The following NADK2 variants were observed in gnomAD, a reference collection of about 807,000 sequenced individuals.
The protein encoded by NADK2 is NAD kinase 2, mitochondrial.
Under a neutral mutation model 62.1 loss-of-function variants are expected in NADK2, and 35 were observed. That is an observed-to-expected ratio of 0.56 (90% CI 0.43 to 0.75). NADK2 has a LOEUF of 0.75. Among genes scored for constraint, NADK2 ranks in the 30% least tolerant of loss-of-function variants. The probability of loss-of-function intolerance (pLI) is 0.00; values close to 1 mark genes in which losing one functional copy is unlikely to be tolerated. For synonymous variants in NADK2, 205 were observed against 207.9 expected (o/e 0.99, Z 0.12); for missense variants, 439 against 561.3 (o/e 0.78, Z 2.20).
chr5:36,196,559 T>C (rs1746240420), intron 11 of NADK2, among the ~76,000 whole-genome samples: 1 of 152,134 alleles, frequency 6.6e-6, no homozygotes, highest in Admixed American at 6.6e-5. Flanking sequence ...CCTGAAAATA[T>C]CTTTCTCGCT....
At chr5:36,211,583 T>C (rs1746846221) in intron 7 of NADK2, among the ~76,000 whole-genome samples, 1 of 151,868 alleles carries the variant, frequency 6.6e-6, no homozygotes, top group Admixed American at 6.6e-5. Flanking sequence ...AGCATCTATA[T>C]AAACAGATTA....
chr5:36,211,599 T>G (rs1344308780), intron 7 of NADK2, among the ~76,000 whole-genome samples: 2 of 151,944 alleles, frequency 1.3e-5, no homozygotes, highest in African/African-American at 4.8e-5. Flanking sequence ...GATTAAAGGC[T>G]CTGGGACACA....
chr5:36,226,833 T>C (rs992365797), intron 2 of NADK2, among the ~76,000 whole-genome samples: 1 of 152,182 alleles, frequency 6.6e-6, no homozygotes, highest in Admixed American at 6.5e-5. Context: ...CACTAGTGAA[T>C]AGCAATATTG....
chr5:36,207,386 T>C (rs943778778), intron 7 of NADK2, 121 bp from the exon 8 acceptor site: 1 of 656,480 alleles, frequency 1.5e-6, no homozygotes, highest in African/African-American at 1.8e-5. Context: ...CTTGACTTAG[T>C]AGGCACACAC....
In NADK2 at chr5:36,198,584, T is replaced by TTA. The variant is rs996709668; in HGVS notation, c.1067-922_1067-921dup. ...TAAAAGAAGAAAGTCACAGATATTT[T>TTA]TATATATATATAGATATAATATAAA... On this transcript the variant is annotated intron_variant, in intron 10 of 11. Transcript: ENST00000381937. Among the ~76,000 whole-genome samples the TTA allele has an allele frequency of 1.4e-4, 21 of 148,146 alleles. 1 individual carries two copies. Among genetic ancestry groups the TTA allele is most frequent in the Non-Finnish European group, 2.5e-4 (17 of 67,122 alleles).
chr5:36,217,190 A>G (rs899690797), intron 6 of NADK2, among the ~76,000 whole-genome samples: 1 of 152,180 alleles, frequency 6.6e-6, no homozygotes, highest in South Asian at 2.1e-4. Context: ...ATATTCTTGC[A>G]TCAATAAAGT....
At chr5:36,229,186 T>C (rs1747613348) in intron 1 of NADK2, among the ~76,000 whole-genome samples, 1 of 85,538 alleles carries the variant, frequency 1.2e-5, no homozygotes, top group East Asian at 2.6e-4. Flanking sequence ...TAAATAGTTT[T>C]GTCCTTGCTT....
At position 36,197,563 on chromosome 5, in the gene NADK2, G is replaced by A. The variant is rs776532188; in HGVS notation, c.1168C>T (p.Arg390Cys). The change falls in exon 11 of 12, where the codon CGT becomes TGT. Residue 390 changes from arginine to cysteine, a missense_variant. Arg to Cys is a radical substitution (Grantham distance 180, BLOSUM62 -3). Coordinates refer to ENST00000381937, the MANE Select transcript of NADK2 (RefSeq NM_001085411.3). ...TACTTTGAGGAGAAACAACGCTGAC[G>A]ACTGCTTGAGAAAACTCTATTTGCT... ...PIANRVFSSS[R>C]QRCFSSKVCV... 5.6e-6 allele frequency: 9 copies of A among 1,612,066 alleles called. No homozygotes were observed. The Admixed American group carries it at 6.7e-5, about 12-fold the overall frequency.
chr5:36,224,776 AAAG>A (rs1747418801), intron 4 of NADK2, among the ~76,000 whole-genome samples: 2 of 152,152 alleles, frequency 1.3e-5, no homozygotes. Context: ...AGATCACCAT[AAAG>A]TCCAGGTACA....
intron 8 of NADK2, among the ~76,000 whole-genome samples, chr5:36,204,837 A>T (rs1307804122): frequency 2.0e-5 from 3 of 152,062 alleles, no homozygotes; most frequent in Admixed American, 1.3e-4. Flanking sequence ...AGGGGTACAG[A>T]GGTAACAAGA....
chr5:36,241,299 C>T lies in NADK2; in HGVS notation c.300+200G>A. 2.8e-6 allele frequency: 3 copies of T among 1,086,856 alleles called. No homozygotes were observed. The highest frequency in any genetic ancestry group is 3.4e-4 in the Middle Eastern group (1 of 2,966). The allele number at this position is 1,086,856 out of a possible 1,614,324, so 67.3% of individuals were successfully genotyped here. The stretch of plus-strand genomic sequence containing the variant: ...CCTCTCTCTCCCCCTCTCCCCGGCC[C>T]TGCCTCTCCCTCGCACACACGCCCA... On this transcript the variant is annotated intron_variant, in intron 1 of 11. Coordinates refer to ENST00000381937, the MANE Select transcript of NADK2 (RefSeq NM_001085411.3). The surrounding 1 kb of genome is among the most constrained non-coding windows in gnomAD (Gnocchi z 4.9).
chr5:36,234,665 G>T (rs1177657935), intron 1 of NADK2, among the ~76,000 whole-genome samples: 2 of 152,168 alleles, frequency 1.3e-5, no homozygotes, highest in African/African-American at 2.4e-5. Context: ...GGCTTTAGTT[G>T]TAATATTTCC....
intron 1 of NADK2, among the ~76,000 whole-genome samples, chr5:36,234,648 T>G (rs1212301157): frequency 6.6e-6 from 1 of 152,212 alleles, no homozygotes; most frequent in Non-Finnish European, 1.5e-5. Flanking sequence ...AAAAGTTGGA[T>G]GCATAAGGCT....
At chr5:36,231,989 T>C (rs2112185682) in intron 1 of NADK2, among the ~76,000 whole-genome samples, 1 of 151,838 alleles carries the variant, frequency 6.6e-6, no homozygotes, top group African/African-American at 2.4e-5. Flanking sequence ...AGCAGGTGAC[T>C]CCATGAGATC....
In NADK2 at chr5:36,193,493, A is replaced by AG. The variant is rs890058818; in HGVS notation, c.*1650_*1651insC. On this transcript the variant is annotated 3_prime_UTR_variant, in exon 12 of 12. Coordinates refer to ENST00000381937, the MANE Select transcript of NADK2 (RefSeq NM_001085411.3). Reference sequence around the variant, plus strand: ...CGTTCTCAAAAAAAAAAAAAAAAAAAAAGAAGGTATTTTAAGCCTGTTAGG... The same window carrying AG: ...CGTTCTCAAAAAAAAAAAAAAAAAAAGAAGAAGGTATTTTAAGCCTGTTAGG... The AG allele has an allele frequency of 4.6e-5, 7 of 151,322 alleles. No individual in the cohort carries two copies. The highest frequency in any genetic ancestry group is 8.8e-5 in the Non-Finnish European group (6 of 67,936). 9.4% of individuals were successfully genotyped at this position (151,322 alleles called of 1,614,324 possible).
At position 36,206,905 on chromosome 5, in the gene NADK2, A is replaced by G. The variant is rs2112092271; in HGVS notation, c.956+265T>C. Reference sequence around the variant, plus strand: ...GTTATTTAAAATATTTTTCATTTTTAAGAAAAGATAGTCCCAAAACCACTT... The same window carrying G: ...GTTATTTAAAATATTTTTCATTTTTGAGAAAAGATAGTCCCAAAACCACTT... On this transcript the variant is annotated intron_variant, in intron 8 of 11. Transcript: ENST00000381937. Among the ~76,000 whole-genome samples, 4 of 152,162 alleles carry G rather than the reference A, an allele frequency of 2.6e-5. No homozygotes were observed. The South Asian group carries it at 8.3e-4, about 32-fold the overall frequency.
chr5:36,219,447 G>C, intron 5 of NADK2, 149 bp downstream of exon 5: 1 of 581,888 alleles, frequency 1.7e-6, no homozygotes, highest in Non-Finnish European at 3.0e-6. Flanking sequence ...CTGAGCTCAA[G>C]TGATCCACCC....
rs780241506 is a variant in NADK2 at position 36,195,094 on chromosome 5, G to A, written c.*50C>T. 2 of 1,562,240 alleles carry A rather than the reference G, an allele frequency of 1.3e-6. No homozygotes were observed. The highest frequency in any genetic ancestry group is 8.6e-7 in the Non-Finnish European group (1 of 1,156,586). On this transcript the variant is annotated 3_prime_UTR_variant, in exon 12 of 12. Transcript: ENST00000381937. ...ACTTTACGACTGGTAGTCTGTTTCTGAAGTAAAAATATTCTCGCCAGTAAT... is the reference window on the plus strand; with the variant it reads ...ACTTTACGACTGGTAGTCTGTTTCTAAAGTAAAAATATTCTCGCCAGTAAT...
Position 36,241,870 on chromosome 5 carries a change from G to A in NADK2, c.-72C>T, listed in dbSNP as rs1284054073. 1 of 1,114,382 alleles carries A rather than the reference G, an allele frequency of 9.0e-7. No homozygotes were observed. The highest frequency in any genetic ancestry group is 3.2e-5 in the South Asian group (1 of 31,334). 69.0% of individuals were successfully genotyped at this position (1,114,382 alleles called of 1,614,324 possible). ...CAGCTCCCTACCGCCGGGAGTGCGCGCCGTCCGCGCCGCCCGGGCCTCTAA... is the reference window on the plus strand; with the variant it reads ...CAGCTCCCTACCGCCGGGAGTGCGCACCGTCCGCGCCGCCCGGGCCTCTAA... On this transcript the variant is annotated 5_prime_UTR_variant, in exon 1 of 12. Transcript: ENST00000381937. This position sits in a 1 kb window ranked among gnomAD's most constrained non-coding sequence, Gnocchi z 4.9.
Sources: gnomAD v4.1 joint callset for allele counts (sites outside exome capture counted in the v4.1 genomes callset) on GRCh38, gnomAD v4.1.1 for gene constraint, Gnocchi (gnomAD v3.1) non-coding constraint, MANE v1.5 for transcripts, NCBI Gene and HGNC (gene_info 2026-07-23, HGNC 2026-07-21) for gene names.